ZC3H12B: variants seen among roughly 807,000 people sequenced by gnomAD.
ZC3H12B encodes the protein probable ribonuclease ZC3H12B.
In ZC3H12B, 7 loss-of-function variants were observed where a neutral mutation model predicts 43.9. The ratio of observed to expected loss-of-function variants is 0.16; its 90% CI spans 0.09 to 0.30. The LOEUF (loss-of-function observed/expected upper bound fraction) is 0.30. Among genes scored for constraint, ZC3H12B ranks in the 10% least tolerant of loss-of-function variants. The probability of loss-of-function intolerance (pLI) is 1.00; values close to 1 mark genes in which losing one functional copy is unlikely to be tolerated. For missense variants in ZC3H12B, 475 were observed against 670.2 expected, an observed-to-expected ratio of 0.71 and a Z score of 3.22; for synonymous variants, 222 against 241.7, an observed-to-expected ratio of 0.92 and a Z score of 0.76.
the ZC3H12B span, among the ~76,000 whole-genome samples, chrX:65,244,362 A>G: frequency 1.8e-5 from 2 of 111,360 alleles, no homozygotes; most frequent in African/African-American, 6.5e-5. Context: ...TTACCGAAAC[A>G]TAACACAGAA....
rs180779664 is a variant in ZC3H12B at position 65,430,270 on chromosome X, C to T, written n.407+31566C>T. ...ATAGTGTGGGCTCACAAGGGGATCT[C>T]CTGATCCACAGGTTGCAAAGATCCA... On this transcript the variant is annotated intron_variant and non_coding_transcript_variant, in intron 3 of 5. Transcript: ENST00000617377. Among the ~76,000 whole-genome samples, 338 of 110,899 alleles carry T rather than the reference C, an allele frequency of 3.0e-3. 1 individual carries two copies. Among genetic ancestry groups the T allele is most frequent in the African/African-American group, 0.011 (324 of 30,516 alleles).
the ZC3H12B span, among the ~76,000 whole-genome samples, chrX:65,266,320 C>T: frequency 9.0e-6 from 1 of 111,173 alleles, no homozygotes; most frequent in Admixed American, 9.6e-5. Flanking sequence ...CCCAAAGAAT[C>T]AAGTCTTAAT....
chrX:65,154,199 G>T, the ZC3H12B span, among the ~76,000 whole-genome samples: 2 of 111,315 alleles, frequency 1.8e-5, no homozygotes, highest in Non-Finnish European at 3.8e-5. Flanking sequence ...CCTGCACATT[G>T]TGCACATGCA....
the ZC3H12B span, among the ~76,000 whole-genome samples, chrX:65,184,735 C>A: frequency 9.0e-6 from 1 of 111,442 alleles, no homozygotes; most frequent in Non-Finnish European, 1.9e-5. Flanking sequence ...ACATGGTATA[C>A]ATGTATACAA....
chrX:65,311,967 G>C, the ZC3H12B span, among the ~76,000 whole-genome samples: 2 of 110,909 alleles, frequency 1.8e-5, no homozygotes, highest in African/African-American at 3.3e-5. Flanking sequence ...ACACAGGGTG[G>C]GGAACATCAC....
rs186751976 is a variant in ZC3H12B at position 65,506,244 on chromosome X, T to C, written c.*3035T>C. Reference sequence around the variant, plus strand: ...TCTCTTTAGCCTATTAAATTTAATATGTCCTTGCAAAAGGGATTTTGTGTA... The same window carrying C: ...TCTCTTTAGCCTATTAAATTTAATACGTCCTTGCAAAAGGGATTTTGTGTA... On this transcript the variant is annotated 3_prime_UTR_variant, in exon 5 of 5. Transcript: ENST00000338957. 15 of 112,849 alleles carry C rather than the reference T, an allele frequency of 1.3e-4. No homozygotes were observed. In the Admixed American group the frequency reaches 1.4e-3, roughly 11 times the overall value. 9.3% of individuals were successfully genotyped at this position (112,849 alleles called of 1,213,427 possible). A position where few individuals can be genotyped will look rare whatever the true frequency, so the allele number is the denominator to read the frequency against.
chrX:65,265,211 G>A, the ZC3H12B span, among the ~76,000 whole-genome samples: 2 of 112,046 alleles, frequency 1.8e-5, no homozygotes, highest in Non-Finnish European at 3.8e-5. Flanking sequence ...AAGTTAATTA[G>A]CTTGTACAAG....
At chrX:65,083,340 G>C in the ZC3H12B span, among the ~76,000 whole-genome samples, 1 of 111,661 alleles carries the variant, frequency 9.0e-6, no homozygotes, top group South Asian at 3.7e-4. Flanking sequence ...TTGCAGATAT[G>C]ATCTTATACT....
chrX:65,138,859 A>G, the ZC3H12B span, among the ~76,000 whole-genome samples: 1 of 112,151 alleles, frequency 8.9e-6, no homozygotes, highest in Non-Finnish European at 1.9e-5. Context: ...TCACCTCTTC[A>G]TGTACCTGTT....
At chrX:65,362,818 G>A (rs966820856), upstream of ZC3H12B, among the ~76,000 whole-genome samples, 8 of 111,028 alleles carry the variant, frequency 7.2e-5, no homozygotes, top group African/African-American at 2.6e-4. Flanking sequence ...AACTAGACAA[G>A]CCTTAATCTT....
chrX:65,213,577 G>A, the ZC3H12B span, among the ~76,000 whole-genome samples: 2 of 111,135 alleles, frequency 1.8e-5, no homozygotes, highest in Admixed American at 9.8e-5. Context: ...TGTGATCTCA[G>A]TGTTGGAGAT....
chrX:65,122,469 G>A, the ZC3H12B span, among the ~76,000 whole-genome samples: 1 of 111,175 alleles, frequency 9.0e-6, no homozygotes, highest in Non-Finnish European at 1.9e-5. Flanking sequence ...GGAGGAAACT[G>A]CATCAACTGA....
At chrX:65,246,590 A>C in the ZC3H12B span, among the ~76,000 whole-genome samples, 1 of 112,090 alleles carries the variant, frequency 8.9e-6, no homozygotes, top group African/African-American at 3.2e-5. Flanking sequence ...AGAATAGAGA[A>C]CCCAGAAATA....
the ZC3H12B span, among the ~76,000 whole-genome samples, chrX:65,118,823 C>T: frequency 4.7e-5 from 4 of 86,014 alleles, no homozygotes; most frequent in African/African-American, 1.7e-4. Context: ...CAACAGGCCC[C>T]GGTGTGTGAT....
chrX:65,085,926 C>T, the ZC3H12B span, among the ~76,000 whole-genome samples: 2 of 111,193 alleles, frequency 1.8e-5, no homozygotes, highest in Non-Finnish European at 1.9e-5. Flanking sequence ...CAAACAAGGA[C>T]ATTCTCCTAC....
the ZC3H12B span, among the ~76,000 whole-genome samples, chrX:65,353,288 C>T: frequency 3.6e-5 from 4 of 111,353 alleles, no homozygotes; most frequent in Non-Finnish European, 7.5e-5. Flanking sequence ...AGATCACTTC[C>T]TCTACTAACC....
chrX:65,238,416 G>T, the ZC3H12B span, among the ~76,000 whole-genome samples: 1 of 112,027 alleles, frequency 8.9e-6, no homozygotes, highest in South Asian at 3.7e-4. Context: ...ATGGTTGTTT[G>T]TATTTCTGTG....
chrX:65,329,768 G>A, the ZC3H12B span, among the ~76,000 whole-genome samples: 2 of 111,347 alleles, frequency 1.8e-5, no homozygotes, highest in African/African-American at 6.6e-5. Context: ...TTCTACATAT[G>A]GCTAGCCAGT....
chrX:65,486,274 G>C (rs2068122996), upstream of ZC3H12B, among the ~76,000 whole-genome samples: 1 of 112,103 alleles, frequency 8.9e-6, no homozygotes, highest in Non-Finnish European at 1.9e-5. Flanking sequence ...AGCTTGAACT[G>C]TAATTGAAAT....
Sources: gnomAD v4.1 joint callset for allele counts (sites outside exome capture counted in the v4.1 genomes callset) on GRCh38, gnomAD v4.1.1 for gene constraint, MANE v1.5 for transcripts, NCBI Gene and HGNC (gene_info 2026-07-23, HGNC 2026-07-21) for gene names.